Variants in CRHR2 observed in about 807,000 individuals in gnomAD.
CRHR2 encodes the protein corticotropin releasing hormone receptor 2.
CRHR2 carries 53 observed loss-of-function variants against 57.9 expected under a neutral mutation model. The observed-to-expected ratio is 0.92, with a 90% CI of 0.73 to 1.15. CRHR2 has a LOEUF of 1.15. CRHR2 is among the 50% of genes most tolerant of loss of function. The pLI, the probability that CRHR2 is intolerant of heterozygous loss-of-function variation, is 0.00. For synonymous variants in CRHR2, 213 were observed against 220.9 expected (o/e 0.96, Z 0.32); for missense variants, 532 against 542.6 (o/e 0.98, Z 0.19).
At chr7:30,694,184 C>G (rs1221999752) in intron 1 of CRHR2, among the ~76,000 whole-genome samples, 1 of 152,234 alleles carries the variant, frequency 6.6e-6, no homozygotes, top group Non-Finnish European at 1.5e-5. Context: ...CCCCTAATCC[C>G]GGGAGACCAG....
Position 30,652,065 on chromosome 7 carries a change from C to A in CRHR2, c.*1395G>T, listed in dbSNP as rs1310800241. On this transcript the variant is annotated 3_prime_UTR_variant, in exon 12 of 12. Transcript: ENST00000471646. This position sits in a 1 kb window ranked among gnomAD's most constrained non-coding sequence, Gnocchi z 4.4. ...TACTACATGTCAACTTAAAAATGTG[C>A]AAGACGGGATACATGATTTTTCAAA... 1 of 152,216 alleles carries A rather than the reference C, an allele frequency of 6.6e-6. No homozygotes were observed. Among genetic ancestry groups the A allele is most frequent in the Non-Finnish European group, 1.5e-5 (1 of 68,042 alleles). The allele number at this position is 152,216 out of a possible 1,614,324, so 9.4% of individuals were successfully genotyped here.
At chr7:30,672,348 G>A (rs1784388779) in intron 2 of CRHR2, among the ~76,000 whole-genome samples, 1 of 152,224 alleles carries the variant, frequency 6.6e-6, no homozygotes, top group South Asian at 2.1e-4. Flanking sequence ...TGGAGCAGAA[G>A]TTTACCTTAT....
At chr7:30,699,922 G>A in intron 1 of CRHR2, 1 of 1,499,290 alleles carries the variant, frequency 6.7e-7, no homozygotes, top group Non-Finnish European at 8.9e-7. Flanking sequence ...CCACCTCGTG[G>A]ACTCCCACTC....
At chr7:30,692,817 T>C (rs1784986562) in intron 1 of CRHR2, among the ~76,000 whole-genome samples, 1 of 152,216 alleles carries the variant, frequency 6.6e-6, no homozygotes, top group Non-Finnish European at 1.5e-5. Context: ...ATGAGGCTGC[T>C]GAGGCCCAGG....
intron 2 of CRHR2, among the ~76,000 whole-genome samples, chr7:30,671,481 G>A (rs1265434018): frequency 6.6e-6 from 1 of 152,020 alleles, no homozygotes; most frequent in Non-Finnish European, 1.5e-5. Flanking sequence ...TGGGGTCATT[G>A]GCTATTTGCA....
chr7:30,680,195 G>A (rs1784655842), intron 2 of CRHR2, among the ~76,000 whole-genome samples: 1 of 152,034 alleles, frequency 6.6e-6, no homozygotes, highest in African/African-American at 2.4e-5. Flanking sequence ...CCTAATTAGG[G>A]CATTCATCAT....
At chr7:30,675,891 A>G (rs987156297) in intron 2 of CRHR2, among the ~76,000 whole-genome samples, 16 of 152,340 alleles carry the variant, frequency 1.1e-4, no homozygotes, top group African/African-American at 3.1e-4. Flanking sequence ...AGGCTCCTCA[A>G]TTCTTTCTGG....
At chr7:30,673,541 A>G (rs1179598222) in intron 2 of CRHR2, among the ~76,000 whole-genome samples, 1 of 152,096 alleles carries the variant, frequency 6.6e-6, no homozygotes, top group Non-Finnish European at 1.5e-5. Flanking sequence ...TCTGTGGGAA[A>G]AACCTCTCAA....
chr7:30,655,859 G>A, intron 9 of CRHR2, 68 bp downstream of exon 9: 5 of 1,597,456 alleles, frequency 3.1e-6, no homozygotes, highest in Non-Finnish European at 4.3e-6. Flanking sequence ...GCTCTGCCAG[G>A]AAGCAGGGGG....
rs1177737235 is a variant in CRHR2 at position 30,665,709 on chromosome 7, C to T, written c.316-70G>A. ...TGGGGGTGGGGCTGGGTATTCCAGC[C>T]GTGGCCACCTCTGTGTCCTGACCTT... is the stretch of plus-strand genomic sequence containing the variant. On this transcript the variant is annotated intron_variant, in intron 3 of 11. Coordinates refer to ENST00000471646, the MANE Select transcript of CRHR2 (RefSeq NM_001883.5). This position sits in a 1 kb window ranked among gnomAD's most constrained non-coding sequence, Gnocchi z 4.5. The T allele has an allele frequency of 1.1e-5, 14 of 1,308,454 alleles. No individual in the cohort carries two copies. The highest frequency in any genetic ancestry group is 8.1e-5 in the Admixed American group (4 of 49,646). 81.1% of individuals were successfully genotyped at this position (1,308,454 alleles called of 1,614,324 possible). A position where few individuals can be genotyped will look rare whatever the true frequency, so the allele number is the denominator to read the frequency against.
chr7:30,657,083 T>A (rs998303622), intron 8 of CRHR2, among the ~76,000 whole-genome samples: 14 of 145,518 alleles, frequency 9.6e-5, no homozygotes, highest in South Asian at 2.2e-4. Flanking sequence ...ACACACCCAC[T>A]CACACACACA....
At chr7:30,661,412 C>T (rs1250495253) in intron 7 of CRHR2, among the ~76,000 whole-genome samples, 3 of 152,126 alleles carry the variant, frequency 2.0e-5, no homozygotes, top group African/African-American at 7.2e-5. Context: ...GGAAGCTCAC[C>T]ACCTACCAAG....
chr7:30,677,827 T>G (rs1784566696), intron 2 of CRHR2, among the ~76,000 whole-genome samples: 1 of 152,214 alleles, frequency 6.6e-6, no homozygotes. Flanking sequence ...CCCAGCACTT[T>G]GGGAGCCAGA....
upstream of CRHR2, among the ~76,000 whole-genome samples, chr7:30,685,085 G>A (rs769650116): frequency 8.5e-5 from 13 of 152,170 alleles, no homozygotes; most frequent in Non-Finnish European, 1.9e-4. Context: ...TCAGGGAAGT[G>A]TGACAGGTAC....
At chr7:30,696,488 G>A (rs1785060243) in intron 1 of CRHR2, among the ~76,000 whole-genome samples, 2 of 152,160 alleles carry the variant, frequency 1.3e-5, no homozygotes, top group African/African-American at 2.4e-5. Flanking sequence ...TTGGGAGGCC[G>A]AGGTGGGTGG....
At chr7:30,655,160 A>G (rs1367658329) in intron 10 of CRHR2, 80 bp from the exon 11 acceptor site, 4 of 1,360,906 alleles carry the variant, frequency 2.9e-6, no homozygotes, top group Non-Finnish European at 4.1e-6. Flanking sequence ...ACTGGGGACA[A>G]GATGGTGGGG....
At chr7:30,667,395 A>T in intron 2 of CRHR2, 82 bp from the exon 3 acceptor site, 1 of 1,139,500 alleles carries the variant, frequency 8.8e-7, no homozygotes, top group African/African-American at 1.5e-5. Context: ...CCACAGGATA[A>T]GGTGTACGCA....
chr7:30,677,213 G>T (rs62446874), intron 2 of CRHR2, among the ~76,000 whole-genome samples: 7 of 151,738 alleles, frequency 4.6e-5, no homozygotes, highest in African/African-American at 1.5e-4. Flanking sequence ...GAGAGAGAGA[G>T]GTAGAAAATG....
chr7:30,683,730 G>A (rs1453151546), upstream of CRHR2, among the ~76,000 whole-genome samples: 1 of 152,184 alleles, frequency 6.6e-6, no homozygotes, highest in South Asian at 2.1e-4. Context: ...CGGAGAGTCT[G>A]GGGAAGACAT....
Sources: gnomAD v4.1 joint callset for allele counts (sites outside exome capture counted in the v4.1 genomes callset) on GRCh38, gnomAD v4.1.1 for gene constraint, Gnocchi (gnomAD v3.1) non-coding constraint, MANE v1.5 for transcripts, NCBI Gene and HGNC (gene_info 2026-07-23, HGNC 2026-07-21) for gene names.